Variants in MCC observed in about 807,000 individuals in gnomAD.
MCC encodes colorectal mutant cancer protein.
MCC carries 90 observed loss-of-function variants against 116.2 expected under a neutral mutation model. The ratio of observed to expected loss-of-function variants is 0.77; its 90% CI spans 0.65 to 0.92. The LOEUF (loss-of-function observed/expected upper bound fraction) is 0.92, where lower values mean the gene tolerates loss of function less well. Ranked by LOEUF, MCC falls within the 40% of genes least tolerant of loss-of-function variation. The pLI, the probability that MCC is intolerant of heterozygous loss-of-function variation, is 0.00. For synonymous variants in MCC, 578 were observed against 510.5 expected (o/e 1.13, Z -1.78); for missense variants, 1,516 against 1,312.2 (o/e 1.16, Z -2.40).
rs976274329 is a variant in MCC, at chr5:113,025,706, C to G, written c.*1596G>C. On this transcript the variant is annotated 3_prime_UTR_variant, in exon 19 of 19. Coordinates refer to ENST00000408903, the MANE Select transcript of MCC (RefSeq NM_001085377.2). ...CAAAGCTGGTCCTTCTAGACTGATA[C>G]CAGTTGATCTGTTGTTTCGTTTTGG... 2.6e-5 allele frequency: 4 copies of G among 152,068 alleles called. No individual in the cohort carries two copies. Among genetic ancestry groups the G allele is most frequent in the African/African-American group, 9.7e-5 (4 of 41,388 alleles). 9.4% of individuals were successfully genotyped at this position (152,068 alleles called of 1,614,324 possible).
At chr5:113,469,854 A>G (rs1331991818) in intron 1 of MCC, among the ~76,000 whole-genome samples, 1 of 152,108 alleles carries the variant, frequency 6.6e-6, no homozygotes, top group African/African-American at 2.4e-5. Flanking sequence ...TGCTTTATGA[A>G]TCTGGGTGCT....
Position 113,161,620 on chromosome 5 carries a change from ATGTG to A in MCC, c.628-10202_628-10199del, listed in dbSNP as rs57962617. On this transcript the variant is annotated intron_variant, in intron 3 of 18. Coordinates refer to ENST00000408903, the MANE Select transcript of MCC (RefSeq NM_001085377.2). ...GGAAAGCAAATGGAGGTTTAGATTTATGTGTGTGTGTGTGTGTGTGTGTGTGTGT... is the reference window on the plus strand; with the variant it reads ...GGAAAGCAAATGGAGGTTTAGATTTATGTGTGTGTGTGTGTGTGTGTGTGT... Among the ~76,000 whole-genome samples, 1,028 of 148,394 alleles carry A rather than the reference ATGTG, an allele frequency of 6.9e-3. 11 individuals are homozygous for A. Among genetic ancestry groups the A allele is most frequent in the African/African-American group, 0.024 (940 of 39,788 alleles).
At chr5:113,446,121 T>A (rs961264450) in intron 1 of MCC, among the ~76,000 whole-genome samples, 7 of 152,186 alleles carry the variant, frequency 4.6e-5, no homozygotes, top group Non-Finnish European at 1.0e-4. Context: ...GTTTTAAATG[T>A]AAAACCTCAA....
intron 3 of MCC, among the ~76,000 whole-genome samples, chr5:113,198,194 G>A (rs549486565): frequency 6.6e-6 from 1 of 152,298 alleles, no homozygotes; most frequent in Admixed American, 6.5e-5. Flanking sequence ...GTCTTTGGTG[G>A]TGTCATTATT....
At chr5:113,333,020 G>A (rs1277232642) in intron 3 of MCC, among the ~76,000 whole-genome samples, 1 of 151,672 alleles carries the variant, frequency 6.6e-6, no homozygotes, top group Non-Finnish European at 1.5e-5. Context: ...AATAAGGACT[G>A]TGGGAACTGA....
chr5:113,052,767 A>T (rs947083457), intron 15 of MCC, among the ~76,000 whole-genome samples: 5 of 151,982 alleles, frequency 3.3e-5, no homozygotes, highest in African/African-American at 1.2e-4. Context: ...CCTAAACTCA[A>T]TCTCTGGCTC....
At chr5:113,093,834 C>T (rs944210501) in intron 8 of MCC, among the ~76,000 whole-genome samples, 2 of 152,046 alleles carry the variant, frequency 1.3e-5, no homozygotes, top group African/African-American at 4.8e-5. Flanking sequence ...TTTTTATTAG[C>T]CATAAAAGAA....
intron 3 of MCC, among the ~76,000 whole-genome samples, chr5:113,320,404 G>C (rs559824882): frequency 6.0e-4 from 86 of 143,390 alleles, no homozygotes; most frequent in South Asian, 3.9e-3. Context: ...TTCAAATGGT[G>C]ATAACATTGT....
intron 1 of MCC, among the ~76,000 whole-genome samples, chr5:113,465,066 G>A (rs1771857759): frequency 6.6e-6 from 1 of 151,496 alleles, no homozygotes; most frequent in Non-Finnish European, 1.5e-5. Context: ...GTCCTTTTGG[G>A]AGGAAAAATA....
Position 113,463,146 on chromosome 5 carries a change from T to C in MCC, c.170+25099A>G, listed in dbSNP as rs1441937539. ...GCAGAACACACTGGAGAAACTGAAA[T>C]TCAGAAAAGAAGAGAGTGGTTGATG... On this transcript the variant is annotated intron_variant, in intron 1 of 18. Coordinates refer to ENST00000408903, the MANE Select transcript of MCC (RefSeq NM_001085377.2). Among the ~76,000 whole-genome samples, 5 of 152,062 alleles carry C rather than the reference T, an allele frequency of 3.3e-5. No homozygotes were observed. The East Asian group carries it at 9.7e-4, about 29-fold the overall frequency.
rs774259423 is a variant in MCC at position 113,082,983 on chromosome 5, A to G, written c.1661T>C (p.Leu554Pro). ...IGVSSSVAEH[L>P]AHSLQDCSNI... Reference sequence around the variant, plus strand: ...GGAGCAGTCCTGAAGTGAGTGGGCCAGGTGTTCAGCCACACTGCTGGATAC... The same window carrying G: ...GGAGCAGTCCTGAAGTGAGTGGGCCGGGTGTTCAGCCACACTGCTGGATAC... The change falls in exon 11 of 19, where the codon CTG becomes CCG. Residue 554 changes from leucine (L) to proline (P), a missense_variant. By Grantham distance (98) the Leu-to-Pro change is moderately conservative. Coordinates refer to ENST00000408903, the MANE Select transcript of MCC (RefSeq NM_001085377.2). 1.2e-6 allele frequency: 2 copies of G among 1,614,098 alleles called. No homozygotes were observed. The highest frequency in any genetic ancestry group is 2.2e-5 in the East Asian group (1 of 44,882).
At chr5:113,488,083 T>C (rs1323260222) in intron 1 of MCC, among the ~76,000 whole-genome samples, 162 bp downstream of exon 1, 1 of 151,738 alleles carries the variant, frequency 6.6e-6, no homozygotes, top group East Asian at 2.0e-4. Flanking sequence ...CCCTCGGCCT[T>C]CGTGGCCGAG....
intron 3 of MCC, among the ~76,000 whole-genome samples, chr5:113,332,137 A>G: frequency 6.6e-6 from 1 of 151,610 alleles, no homozygotes; most frequent in East Asian, 1.9e-4. Flanking sequence ...CTATTTCCAA[A>G]TACTACCCCA....
chr5:113,188,577 A>G (rs914664992), intron 3 of MCC, among the ~76,000 whole-genome samples: 1 of 152,218 alleles, frequency 6.6e-6, no homozygotes, highest in African/African-American at 2.4e-5. Flanking sequence ...AGGGGAAGGG[A>G]AAATCATGGT....
intron 2 of MCC, among the ~76,000 whole-genome samples, chr5:113,378,191 A>G (rs1244566742): frequency 6.6e-6 from 1 of 152,202 alleles, no homozygotes; most frequent in Non-Finnish European, 1.5e-5. Flanking sequence ...ATATCTCCTC[A>G]TACTTCCTCC....
In MCC at chr5:113,022,132, A is replaced by G. The variant is rs2150200771; in HGVS notation, c.*5170T>C. ...GGAATTAGAAATATTTATTCAGAAT[A>G]TAAGAATGTTTGTAAAATATTATAA... On this transcript the variant is annotated 3_prime_UTR_variant, in exon 19 of 19. Transcript: ENST00000408903. 6.5e-6 allele frequency: 1 copy of G among 152,714 alleles called. No individual in the cohort carries two copies. Among genetic ancestry groups the G allele is most frequent in the East Asian group, 1.9e-4 (1 of 5,192 alleles). The allele number at this position is 152,714 out of a possible 1,614,324, so 9.5% of individuals were successfully genotyped here. A position where few individuals can be genotyped will look rare whatever the true frequency, so the allele number is the denominator to read the frequency against.
intron 11 of MCC, among the ~76,000 whole-genome samples, chr5:113,073,701 A>C (rs1754208626): frequency 1.4e-5 from 2 of 146,780 alleles, no homozygotes. Context: ...TAAGCCTCCC[A>C]TCTTCAGATG....
At chr5:113,304,702 T>TAA (rs1766941739) in intron 3 of MCC, among the ~76,000 whole-genome samples, 1 of 151,982 alleles carries the variant, frequency 6.6e-6, no homozygotes, top group Non-Finnish European at 1.5e-5. Flanking sequence ...TTAAACTATA[T>TAA]CACATTTTCT....
chr5:113,367,311 GTT>G (rs529371415), intron 2 of MCC, among the ~76,000 whole-genome samples: 327 of 149,754 alleles, frequency 2.2e-3, no homozygotes, highest in Non-Finnish European at 3.0e-3. Flanking sequence ...CATTTGTTTA[GTT>G]TTCTAAGCAT....
Sources: gnomAD v4.1 joint callset for allele counts (sites outside exome capture counted in the v4.1 genomes callset) on GRCh38, gnomAD v4.1.1 for gene constraint, MANE v1.5 for transcripts, NCBI Gene and HGNC (gene_info 2026-07-23, HGNC 2026-07-21) for gene names.